TPTE2: variants seen among roughly 807,000 people sequenced by gnomAD.
TPTE2 encodes the protein phosphatidylinositol 3,4,5-trisphosphate 3-phosphatase TPTE2.
A neutral mutation model predicts 78.6 loss-of-function variants in TPTE2; 53 were observed. The observed-to-expected ratio is 0.67, with a 90% CI of 0.54 to 0.85. The LOEUF is 0.85. TPTE2 is among the 40% of genes least tolerant of loss of function. The pLI is 0.00. For synonymous variants in TPTE2, 175 were observed against 206.2 expected (o/e 0.85, Z 1.30); for missense variants, 461 against 623.0 (o/e 0.74, Z 2.77).
chr13:19,428,693 C>T (rs890831416), intron 17 of TPTE2, among the ~76,000 whole-genome samples: 2 of 151,208 alleles, frequency 1.3e-5, no homozygotes, highest in African/African-American at 4.9e-5. Context: ...CATGCCACTG[C>T]ACTACAGCCT....
intron 6 of TPTE2, among the ~76,000 whole-genome samples, chr13:19,470,239 G>A (rs183708995): frequency 9.9e-5 from 15 of 152,190 alleles, no homozygotes; most frequent in Middle Eastern, 3.4e-3. Context: ...TACTATGAAG[G>A]GATGTTGAAT....
chr13:19,543,733 CAA>C, the TPTE2 span, among the ~76,000 whole-genome samples: 2 of 151,750 alleles, frequency 1.3e-5, no homozygotes, highest in Non-Finnish European at 2.9e-5. Context: ...ATAAATGAAA[CAA>C]GATGGAATTG....
At chr13:19,545,537 C>T in the TPTE2 span, among the ~76,000 whole-genome samples, 1 of 152,312 alleles carries the variant, frequency 6.6e-6, no homozygotes, top group South Asian at 2.1e-4. Context: ...TTCCCCCATC[C>T]AGTTCTCAGC....
chr13:19,530,452 T>G (rs776598349), intron 1 of TPTE2, among the ~76,000 whole-genome samples: 6 of 152,188 alleles, frequency 3.9e-5, no homozygotes, highest in South Asian at 2.1e-4. Flanking sequence ...GTGCATTTTT[T>G]GGGGATAATA....
At chr13:19,481,233 T>C (rs1479145020) in intron 4 of TPTE2, among the ~76,000 whole-genome samples, 1 of 152,234 alleles carries the variant, frequency 6.6e-6, no homozygotes, top group Non-Finnish European at 1.5e-5. Context: ...ACTCTTACAT[T>C]ATTTTCAGTT....
rs201604917 is a variant in TPTE2, at chr13:19,452,986, A to ATTTATTTTATTTTATTTTAT, written c.742-1781_742-1762dup. Among the ~76,000 whole-genome samples the ATTTATTTTATTTTATTTTAT allele has an allele frequency of 5.3e-3, 105 of 19,882 alleles. 1 individual carries two copies. Among genetic ancestry groups the ATTTATTTTATTTTATTTTAT allele is most frequent in the Non-Finnish European group, 0.018 (71 of 3,852 alleles). 13.0% of individuals were successfully genotyped at this position (19,882 alleles called of 152,430 possible). A position where few individuals can be genotyped will look rare whatever the true frequency, so the allele number is the denominator to read the frequency against. On this transcript the variant is annotated intron_variant, in intron 10 of 19. Transcript: ENST00000400230. ...ATTTTATTTTATTTTATTTTATTTT[A>ATTTATTTTATTTTATTTTAT]TTTATTTTATTTTATTTTATTTTAT...
intron 3 of TPTE2, among the ~76,000 whole-genome samples, chr13:19,489,765 G>A (rs1021389001): frequency 8.7e-4 from 5 of 5,768 alleles, no homozygotes; most frequent in African/African-American, 1.1e-3. Context: ...TGTGTTATAT[G>A]TGTGTGTGTG....
chr13:19,546,475 TTC>T, the TPTE2 span, among the ~76,000 whole-genome samples: 58 of 129,774 alleles, frequency 4.5e-4, no homozygotes, highest in African/African-American at 1.5e-3. Context: ...GGGTTTTTTT[TTC>T]TTTTTCTTTT....
intron 1 of TPTE2, among the ~76,000 whole-genome samples, chr13:19,524,943 A>G (rs1423440774): frequency 6.6e-6 from 1 of 152,222 alleles, no homozygotes; most frequent in East Asian, 1.9e-4. Context: ...ATGCCTGCAC[A>G]GTATATTAAG....
At chr13:19,513,965 CA>C (rs1371303493) in intron 1 of TPTE2, among the ~76,000 whole-genome samples, 1 of 152,152 alleles carries the variant, frequency 6.6e-6, no homozygotes, top group African/African-American at 2.4e-5. Flanking sequence ...AAACCTGAGG[CA>C]GGGGCTCCAT....
rs138967406 is a variant in TPTE2, at chr13:19,459,704, C to T, written c.741+4752G>A. ...GTTGCTGCAGTGGTTAAAGCCCCCGCGGGGATTCCTGCCCAGTGAGGAGGA... is the reference window on the plus strand; with the variant it reads ...GTTGCTGCAGTGGTTAAAGCCCCCGTGGGGATTCCTGCCCAGTGAGGAGGA... On this transcript the variant is annotated intron_variant, in intron 10 of 19. Coordinates refer to ENST00000400230, the Ensembl canonical transcript of TPTE2. Among the ~76,000 whole-genome samples the T allele has an allele frequency of 4.3e-4, 66 of 152,300 alleles. 1 individual carries two copies. In the East Asian group the frequency reaches 0.01, roughly 24 times the overall value.
At chr13:19,469,009 G>A (rs1368076835) in intron 6 of TPTE2, among the ~76,000 whole-genome samples, 1 of 152,160 alleles carries the variant, frequency 6.6e-6, no homozygotes, top group Non-Finnish European at 1.5e-5. Context: ...CTGCTACGAA[G>A]CAGTTTTTTA....
At position 19,493,536 on chromosome 13, in the gene TPTE2, G is replaced by A. The variant is rs754419992; in HGVS notation, c.12-35C>T. The A allele has an allele frequency of 5.0e-6, 8 of 1,599,542 alleles. No homozygotes were observed. In the South Asian group the frequency reaches 6.6e-5, roughly 13 times the overall value. Reference sequence around the variant, plus strand: ...GATAAGAGAATACAGTCAGAGAGGAGACATAATTCTGAATTTATATTTTGG... The same window carrying A: ...GATAAGAGAATACAGTCAGAGAGGAAACATAATTCTGAATTTATATTTTGG... On this transcript the variant is annotated intron_variant, in intron 1 of 19. Transcript: ENST00000400230.
chr13:19,433,177 T>C (rs1409341753), intron 15 of TPTE2, among the ~76,000 whole-genome samples: 2 of 152,224 alleles, frequency 1.3e-5, no homozygotes, highest in African/African-American at 2.4e-5. Context: ...CTTCAAGGTA[T>C]TGAAGAGCTC....
chr13:19,453,266 T>G (rs1252375161), intron 10 of TPTE2, among the ~76,000 whole-genome samples: 3 of 151,812 alleles, frequency 2.0e-5, no homozygotes, highest in African/African-American at 7.3e-5. Flanking sequence ...TGACCTCAGG[T>G]GATCCACCCT....
intron 6 of TPTE2, among the ~76,000 whole-genome samples, chr13:19,467,650 A>G (rs1157306819): frequency 2.6e-5 from 4 of 152,190 alleles, no homozygotes; most frequent in African/African-American, 4.8e-5. Flanking sequence ...TGGGGTATCT[A>G]TCCCCTCAAG....
At chr13:19,524,095 A>T (rs1157404993) in intron 1 of TPTE2, among the ~76,000 whole-genome samples, 1 of 152,160 alleles carries the variant, frequency 6.6e-6, no homozygotes, top group Non-Finnish European at 1.5e-5. Flanking sequence ...AATGCTGGGG[A>T]TCTAGAATTT....
At chr13:19,435,437 AG>A (rs1490515153) in intron 15 of TPTE2, among the ~76,000 whole-genome samples, 1 of 152,086 alleles carries the variant, frequency 6.6e-6, no homozygotes, top group Non-Finnish European at 1.5e-5. Flanking sequence ...AGTGGGGTTG[AG>A]GGGTGTGAGT....
At chr13:19,500,205 G>T (rs1342689609) in intron 1 of TPTE2, among the ~76,000 whole-genome samples, 3 of 150,630 alleles carry the variant, frequency 2.0e-5, no homozygotes, top group Non-Finnish European at 4.4e-5. Context: ...ATTCACAGCT[G>T]AATTCTACCA....
Sources: gnomAD v4.1 joint callset for allele counts (sites outside exome capture counted in the v4.1 genomes callset) on GRCh38, gnomAD v4.1.1 for gene constraint, MANE v1.5 for transcripts, NCBI Gene and HGNC (gene_info 2026-07-23, HGNC 2026-07-21) for gene names.